The following FER1L6 variants were observed in gnomAD, a reference collection of about 807,000 sequenced individuals.
FER1L6 encodes the protein fer-1-like protein 6.
In FER1L6, 177 loss-of-function variants were observed where a neutral mutation model predicts 219.2. The ratio of observed to expected loss-of-function variants is 0.81; its 90% CI spans 0.71 to 0.91. FER1L6 has a LOEUF of 0.91. FER1L6 is among the 40% of genes least tolerant of loss of function. FER1L6 has a pLI of 0.00. For missense variants in FER1L6, 2,153 were observed against 2,259.9 expected, an observed-to-expected ratio of 0.95 and a Z score of 0.96; for synonymous variants, 768 against 824.3, an observed-to-expected ratio of 0.93 and a Z score of 1.17.
intron 39 of FER1L6, among the ~76,000 whole-genome samples, chr8:124,117,469 A>G (rs1823295665): frequency 6.6e-6 from 1 of 152,184 alleles, no homozygotes; most frequent in South Asian, 2.1e-4. Flanking sequence ...GTCATTGCCT[A>G]TGGGGCTAAG....
chr8:124,101,363 CA>C, intron 38 of FER1L6, 25 bp downstream of exon 38: 1 of 1,602,276 alleles, frequency 6.2e-7, no homozygotes, highest in African/African-American at 1.3e-5. Flanking sequence ...TCATCAAGCA[CA>C]TATTAATGTT....
chr8:124,020,834 G>T (rs1818425853), intron 16 of FER1L6, among the ~76,000 whole-genome samples: 1 of 152,194 alleles, frequency 6.6e-6, no homozygotes, highest in South Asian at 2.1e-4. Flanking sequence ...GAACAGCTCA[G>T]TACACCTTAA....
chr8:124,029,712 AT>A (rs1284212321), intron 18 of FER1L6, among the ~76,000 whole-genome samples: 11 of 152,048 alleles, frequency 7.2e-5, no homozygotes, highest in African/African-American at 2.2e-4. Flanking sequence ...CATTCTGTAG[AT>A]TGCCTGTTTG....
At chr8:123,903,079 A>T (rs369372808) in intron 1 of FER1L6, among the ~76,000 whole-genome samples, 24 of 152,208 alleles carry the variant, frequency 1.6e-4, no homozygotes, top group African/African-American at 4.6e-4. Flanking sequence ...TGTTTTTTTT[A>T]AATGCAATTA....
intron 15 of FER1L6, 22 bp downstream of exon 15, chr8:124,013,553 A>G: frequency 6.5e-7 from 1 of 1,542,042 alleles, no homozygotes; most frequent in South Asian, 1.2e-5. Context: ...GACAGCCGGC[A>G]TAGGCGGAGC....
intron 1 of FER1L6, among the ~76,000 whole-genome samples, chr8:123,912,608 A>G (rs538447913): frequency 7.2e-5 from 11 of 152,258 alleles, no homozygotes; most frequent in Non-Finnish European, 1.3e-4. Context: ...CAACATGGCT[A>G]TGCAGTAAAT....
chr8:123,854,640 G>A (rs1463689972), intron 1 of FER1L6, among the ~76,000 whole-genome samples: 1 of 152,166 alleles, frequency 6.6e-6, no homozygotes, highest in Non-Finnish European at 1.5e-5. Context: ...TACCAAGGGT[G>A]TCTTCACAGG....
intron 21 of FER1L6, chr8:124,046,704 G>A (rs1166915581): frequency 6.6e-6 from 1 of 152,206 alleles, no homozygotes; most frequent in African/African-American, 2.4e-5. Context: ...TCAAGGTCAG[G>A]AGGGAGTCAA....
At position 124,013,518 on chromosome 8, in the gene FER1L6, A is replaced by T. The variant is rs750878058; in HGVS notation, c.1909A>T (p.Ile637Phe). Residue 637 changes from isoleucine (I) to phenylalanine (F), a missense_variant, in exon 15 of 41, where the codon ATC becomes TTC. By Grantham distance (21) the Ile-to-Phe change is conservative. Transcript: ENST00000522917. Reference protein sequence around the residue: ...EKMKTVLSDFISRSSAFISEA... With the variant: ...EKMKTVLSDFFSRSSAFISEA... ...AATGAAAACAGTGCTCAGTGACTTCATCAGTCGGAGCAGGTACCGGGAGAG... is the reference window on the plus strand; with the variant it reads ...AATGAAAACAGTGCTCAGTGACTTCTTCAGTCGGAGCAGGTACCGGGAGAG... 6.2e-7 allele frequency: 1 copy of T among 1,606,476 alleles called. No homozygotes were observed. The highest frequency in any genetic ancestry group is 1.1e-5 in the South Asian group (1 of 89,538).
intron 1 of FER1L6, among the ~76,000 whole-genome samples, chr8:123,905,389 G>A (rs1430869750): frequency 2.6e-5 from 4 of 152,152 alleles, no homozygotes; most frequent in Non-Finnish European, 5.9e-5. Context: ...CTTCATCCAT[G>A]TCCCTGCAAA....
intron 22 of FER1L6, among the ~76,000 whole-genome samples, chr8:124,054,891 C>T (rs765366072): frequency 1.1e-4 from 17 of 151,962 alleles, no homozygotes; most frequent in African/African-American, 2.9e-4. Context: ...TGTTGCAACG[C>T]GAAGATGCCA....
chr8:124,104,554 T>A (rs368660184), intron 39 of FER1L6, among the ~76,000 whole-genome samples: 1 of 152,186 alleles, frequency 6.6e-6, no homozygotes, highest in Admixed American at 6.5e-5. Flanking sequence ...AGAACCATGA[T>A]GAGTACAGTA....
chr8:124,049,771 T>G lies in FER1L6; in HGVS notation c.2874+15T>G, dbSNP rs758777303. The G allele has an allele frequency of 2.5e-6, 4 of 1,613,702 alleles. No homozygotes were observed. The Admixed American group carries it at 5.0e-5, about 20-fold the overall frequency. Reference sequence around the variant, plus strand: ...AACTGCTGCAGGTGAGTGAACCAGATGTGGCACGAGATCTATTAGGTCTAC... The same window carrying G: ...AACTGCTGCAGGTGAGTGAACCAGAGGTGGCACGAGATCTATTAGGTCTAC... On this transcript the variant is annotated intron_variant, in intron 22 of 40. Transcript: ENST00000522917.
intron 39 of FER1L6, among the ~76,000 whole-genome samples, chr8:124,109,081 G>A (rs1822904151): frequency 6.6e-6 from 1 of 152,128 alleles, no homozygotes; most frequent in Non-Finnish European, 1.5e-5. Flanking sequence ...TTCAGGATAT[G>A]GACACGTGTG....
chr8:124,038,348 T>A (rs1819311837), intron 19 of FER1L6, among the ~76,000 whole-genome samples: 1 of 152,250 alleles, frequency 6.6e-6, no homozygotes, highest in Non-Finnish European at 1.5e-5. Context: ...ATATTCTTAT[T>A]TTACATGTAT....
rs886128841 is a variant in FER1L6 at position 123,853,367 on chromosome 8, A to C, written c.-8+1182A>C. Among the ~76,000 whole-genome samples the C allele has an allele frequency of 6.6e-6, 1 of 151,344 alleles. No homozygotes were observed. Among genetic ancestry groups the C allele is most frequent in the Non-Finnish European group, 1.5e-5 (1 of 67,824 alleles). ...ACGGGGTTTCACCATGACGGCCAGG[A>C]TGGTCTCAAACTTCTGACCTCAAAC... On this transcript the variant is annotated intron_variant, in intron 1 of 40. Transcript: ENST00000522917. The surrounding 1 kb of genome is among the most constrained non-coding windows in gnomAD (Gnocchi z 6.6).
chr8:124,113,048 C>T (rs1410704563), intron 39 of FER1L6, among the ~76,000 whole-genome samples: 2 of 151,986 alleles, frequency 1.3e-5, no homozygotes, highest in Non-Finnish European at 2.9e-5. Context: ...TCATTCCATA[C>T]TTAAAATAGT....
intron 1 of FER1L6, among the ~76,000 whole-genome samples, chr8:123,866,092 C>T (rs1816834043): frequency 6.6e-6 from 1 of 151,988 alleles, no homozygotes; most frequent in Non-Finnish European, 1.5e-5. Context: ...CCGCAATAAA[C>T]ATACGTGTGC....
chr8:123,871,231 G>T (rs1429618221), intron 1 of FER1L6, among the ~76,000 whole-genome samples: 1 of 152,130 alleles, frequency 6.6e-6, no homozygotes, highest in Admixed American at 6.5e-5. Flanking sequence ...AGGTTAGTAT[G>T]CATAAATATA....
Sources: gnomAD v4.1 joint callset for allele counts (sites outside exome capture counted in the v4.1 genomes callset) on GRCh38, gnomAD v4.1.1 for gene constraint, Gnocchi (gnomAD v3.1) non-coding constraint, MANE v1.5 for transcripts, NCBI Gene and HGNC (gene_info 2026-07-23, HGNC 2026-07-21) for gene names.